Variants in SORCS2 observed in about 807,000 individuals in gnomAD.
SORCS2 encodes sortilin related VPS10 domain containing receptor 2.
Under a neutral mutation model 141.6 loss-of-function variants are expected in SORCS2, and 100 were observed. That is an observed-to-expected ratio of 0.71 (90% CI 0.60 to 0.83). The LOEUF (loss-of-function observed/expected upper bound fraction) is 0.83. Among genes scored for constraint, SORCS2 ranks in the 40% least tolerant of loss-of-function variants. SORCS2 has a pLI of 0.00. For missense variants in SORCS2, 1,646 were observed against 1,560.2 expected, an observed-to-expected ratio of 1.05 and a Z score of -0.93; for synonymous variants, 789 against 676.9, an observed-to-expected ratio of 1.17 and a Z score of -2.57.
chr4:7,330,893 C>T (rs150834857), intron 1 of SORCS2, among the ~76,000 whole-genome samples: 1 of 152,250 alleles, frequency 6.6e-6, no homozygotes, highest in Non-Finnish European at 1.5e-5. Flanking sequence ...CCGCCATGGA[C>T]AGGACGCTGT....
chr4:7,570,922 TG>T (rs1715347944), intron 3 of SORCS2, among the ~76,000 whole-genome samples: 2 of 152,200 alleles, frequency 1.3e-5, no homozygotes, highest in Non-Finnish European at 2.9e-5. Flanking sequence ...CCGAGTCTCC[TG>T]GCTGTTGGCT....
At chr4:7,611,639 C>T (rs1297286288) in intron 3 of SORCS2, among the ~76,000 whole-genome samples, 2 of 152,142 alleles carry the variant, frequency 1.3e-5, no homozygotes, top group African/African-American at 2.4e-5. Context: ...TTTGTTTCCA[C>T]GTAGCCGCAG....
chr4:7,626,559 A>T (rs1301922860), intron 3 of SORCS2, among the ~76,000 whole-genome samples: 1 of 152,230 alleles, frequency 6.6e-6, no homozygotes, highest in Non-Finnish European at 1.5e-5. Context: ...CTACATATGT[A>T]CATCTCTTTC....
chr4:7,657,088 C>T (rs1470303618), intron 5 of SORCS2, among the ~76,000 whole-genome samples: 1 of 152,216 alleles, frequency 6.6e-6, no homozygotes, highest in Non-Finnish European at 1.5e-5. Context: ...GTCTTCAAAA[C>T]CTATGACTGA....
At chr4:7,620,604 A>G (rs1468970817) in intron 3 of SORCS2, among the ~76,000 whole-genome samples, 16 of 152,222 alleles carry the variant, frequency 1.1e-4, no homozygotes, top group Admixed American at 1.0e-3. Flanking sequence ...GGCAGCCACA[A>G]TGCCAGGCTC....
At chr4:7,418,590 C>T (rs2109180721) in intron 2 of SORCS2, among the ~76,000 whole-genome samples, 1 of 152,224 alleles carries the variant, frequency 6.6e-6, no homozygotes, top group South Asian at 2.1e-4. Context: ...TATCATGTCT[C>T]AAAAAGTCTA....
intron 2 of SORCS2, among the ~76,000 whole-genome samples, chr4:7,409,767 G>A (rs1209696964): frequency 6.6e-6 from 1 of 152,142 alleles, no homozygotes; most frequent in Non-Finnish European, 1.5e-5. Flanking sequence ...ACTTCTCTGT[G>A]GCTCTGGGAA....
chr4:7,428,670 G>A (rs755780906), intron 2 of SORCS2, among the ~76,000 whole-genome samples: 18 of 152,212 alleles, frequency 1.2e-4, no homozygotes. Flanking sequence ...GGGTGGGCCT[G>A]GGGTGTGTGC....
chr4:7,453,310 G>A (rs1464961879), intron 2 of SORCS2, among the ~76,000 whole-genome samples: 1 of 133,208 alleles, frequency 7.5e-6, no homozygotes, highest in African/African-American at 2.9e-5. Context: ...GTCAGGTGCT[G>A]TGTGTTGGGG....
intron 14 of SORCS2, among the ~76,000 whole-genome samples, chr4:7,705,817 A>G (rs556331717): frequency 6.6e-6 from 1 of 152,342 alleles, no homozygotes; most frequent in African/African-American, 2.4e-5. Context: ...CCACGTGGAT[A>G]AGCCGCCCAA....
intron 3 of SORCS2, among the ~76,000 whole-genome samples, chr4:7,546,515 G>T (rs1029916506): frequency 6.6e-6 from 1 of 151,958 alleles, no homozygotes; most frequent in African/African-American, 2.4e-5. Flanking sequence ...AACAATAAAT[G>T]GTGCTGTCCT....
chr4:7,391,409 T>G (rs73796511), intron 1 of SORCS2, among the ~76,000 whole-genome samples: 12,953 of 152,162 alleles, frequency 0.085, 658 homozygotes, highest in South Asian at 0.18. Flanking sequence ...GCCCCTCATC[T>G]CCAGGCAAGT....
intron 2 of SORCS2, among the ~76,000 whole-genome samples, chr4:7,452,695 G>T (rs1406476775): frequency 6.6e-6 from 1 of 152,212 alleles, no homozygotes; most frequent in Non-Finnish European, 1.5e-5. Context: ...CTCAGTTTCT[G>T]CCTCTGTAGA....
At chr4:7,359,901 C>T (rs1420667576) in intron 1 of SORCS2, among the ~76,000 whole-genome samples, 3 of 152,160 alleles carry the variant, frequency 2.0e-5, no homozygotes, top group African/African-American at 7.2e-5. Context: ...GGAGGGCAGC[C>T]TGGGGCAAGG....
chr4:7,388,981 C>T (rs1484889148), intron 1 of SORCS2, among the ~76,000 whole-genome samples: 1 of 152,350 alleles, frequency 6.6e-6, no homozygotes, highest in South Asian at 2.1e-4. Flanking sequence ...GGAATAGCTT[C>T]CCTGAAATGG....
intron 2 of SORCS2, among the ~76,000 whole-genome samples, chr4:7,454,017 A>G (rs1300058554): frequency 1.1e-4 from 6 of 54,190 alleles, no homozygotes; most frequent in Admixed American, 2.7e-4. Context: ...GCTCTGTGTT[A>G]GGGTCAGGTG....
chr4:7,644,607 G>A (rs1193772111), intron 4 of SORCS2, among the ~76,000 whole-genome samples: 1 of 152,226 alleles, frequency 6.6e-6, no homozygotes, highest in Non-Finnish European at 1.5e-5. Context: ...CATGTTGAGT[G>A]CCACCAATCA....
At chr4:7,536,174 T>G (rs1044976852) in intron 3 of SORCS2, among the ~76,000 whole-genome samples, 21 of 152,216 alleles carry the variant, frequency 1.4e-4, no homozygotes, top group African/African-American at 5.1e-4. Flanking sequence ...GGCAGCAGGC[T>G]CCACTGTTCC....
intron 3 of SORCS2, among the ~76,000 whole-genome samples, chr4:7,619,928 C>T (rs947578514): frequency 3.9e-5 from 6 of 152,108 alleles, no homozygotes; most frequent in Non-Finnish European, 5.9e-5. Context: ...TCAGCCCCTG[C>T]CCCTGCCCCT....
Sources: gnomAD v4.1 joint callset for allele counts (sites outside exome capture counted in the v4.1 genomes callset) on GRCh38, gnomAD v4.1.1 for gene constraint, MANE v1.5 for transcripts, NCBI Gene and HGNC (gene_info 2026-07-23, HGNC 2026-07-21) for gene names.